STIMATE: variants seen among roughly 807,000 people sequenced by gnomAD.
STIMATE encodes the protein STIM activating enhancer.
Under a neutral mutation model 36.7 loss-of-function variants are expected in STIMATE, and 15 were observed. The ratio of observed to expected loss-of-function variants is 0.41; its 90% confidence interval spans 0.27 to 0.63. STIMATE has a LOEUF of 0.63. Ranked by LOEUF, STIMATE falls within the 20% of genes least tolerant of loss-of-function variation. The probability of loss-of-function intolerance (pLI) is 0.32; values close to 1 mark genes in which losing one functional copy is unlikely to be tolerated. For synonymous variants in STIMATE, 163 were observed against 162.3 expected, an observed-to-expected ratio of 1.00 and a Z score of -0.03; for missense variants, 305 against 397.3, an observed-to-expected ratio of 0.77 and a Z score of 1.98.
At chr3:52,862,941 T>G (rs910743396) in intron 1 of STIMATE, among the ~76,000 whole-genome samples, 5 of 152,158 alleles carry the variant, frequency 3.3e-5, no homozygotes, top group African/African-American at 1.2e-4. Context: ...AATGGAGTTA[T>G]GCAGCCACAT....
intron 4 of STIMATE, among the ~76,000 whole-genome samples, chr3:52,845,635 C>A (rs1700881433): frequency 6.6e-6 from 1 of 152,160 alleles, no homozygotes; most frequent in Admixed American, 6.5e-5. Flanking sequence ...CATCTGGGAC[C>A]CCTTCAGTCA....
chr3:52,865,269 T>C (rs1188829497), intron 1 of STIMATE, among the ~76,000 whole-genome samples: 1 of 152,052 alleles, frequency 6.6e-6, no homozygotes, highest in African/African-American at 2.4e-5. Flanking sequence ...CTCTAGAGAG[T>C]TCCAAACTTT....
At chr3:52,868,369 CA>C (rs1453147529) in intron 1 of STIMATE, among the ~76,000 whole-genome samples, 3 of 152,220 alleles carry the variant, frequency 2.0e-5, no homozygotes, top group African/African-American at 7.2e-5. Context: ...CAGGTCAGGC[CA>C]CTTTTTAAGG....
At chr3:52,870,389 A>C (rs1701381685) in intron 1 of STIMATE, among the ~76,000 whole-genome samples, 1 of 152,126 alleles carries the variant, frequency 6.6e-6, no homozygotes, top group African/African-American at 2.4e-5. Context: ...TTGTGGTTCC[A>C]AATCTGGCCT....
At chr3:52,852,780 G>A in intron 2 of STIMATE, 82 bp from the exon 3 acceptor site, 1 of 1,547,166 alleles carries the variant, frequency 6.5e-7, no homozygotes, top group Non-Finnish European at 8.8e-7. Flanking sequence ...GACTGAAACA[G>A]GAAGAAAGCC....
chr3:52,845,080 C>T, intron 4 of STIMATE, 139 bp from the exon 5 acceptor site: 1 of 689,998 alleles, frequency 1.4e-6, no homozygotes, highest in Non-Finnish European at 2.3e-6. Context: ...CCCCAAAAGT[C>T]CAAAGGATTA....
intron 1 of STIMATE, 62 bp downstream of exon 1, chr3:52,897,228 CA>C (rs1481387617): frequency 5.9e-6 from 9 of 1,513,320 alleles, no homozygotes; most frequent in African/African-American, 2.9e-5. Flanking sequence ...GAGGGGCCCC[CA>C]GGGGGGCCGG....
intron 1 of STIMATE, among the ~76,000 whole-genome samples, chr3:52,874,481 C>T (rs1180485074): frequency 6.6e-6 from 1 of 152,184 alleles, no homozygotes; most frequent in Non-Finnish European, 1.5e-5. Flanking sequence ...GATGGACTTA[C>T]AGTGAACTGA....
At chr3:52,886,987 G>A (rs1701695551) in intron 1 of STIMATE, among the ~76,000 whole-genome samples, 1 of 152,140 alleles carries the variant, frequency 6.6e-6, no homozygotes, top group Non-Finnish European at 1.5e-5. Flanking sequence ...GTCAAGGCTA[G>A]GAAGGACAAA....
chr3:52,860,108 C>A (rs1263106977), intron 1 of STIMATE, among the ~76,000 whole-genome samples: 4 of 113,714 alleles, frequency 3.5e-5, no homozygotes, highest in African/African-American at 1.2e-4. Context: ...TTCTCCCAGT[C>A]AAATTTGGTA....
chr3:52,877,088 C>A (rs1575344361), intron 1 of STIMATE, among the ~76,000 whole-genome samples: 1 of 152,238 alleles, frequency 6.6e-6, no homozygotes, highest in African/African-American at 2.4e-5. Flanking sequence ...ACAGGCCACA[C>A]TGGCTGAGTC....
intron 1 of STIMATE, among the ~76,000 whole-genome samples, chr3:52,887,183 T>C (rs1701699149): frequency 6.6e-6 from 1 of 152,256 alleles, no homozygotes; most frequent in South Asian, 2.1e-4. Context: ...TTGATCATTA[T>C]ACTGTGGTTA....
chr3:52,868,933 G>C (rs542786782), intron 1 of STIMATE, among the ~76,000 whole-genome samples: 3 of 152,062 alleles, frequency 2.0e-5, no homozygotes, highest in African/African-American at 7.2e-5. Flanking sequence ...CCTCAGGAAC[G>C]TTATATCATT....
At chr3:52,857,691 A>G (rs7620690) in intron 1 of STIMATE, among the ~76,000 whole-genome samples, 78,268 of 150,892 alleles carry the variant, frequency 0.52, 21,533 homozygotes, top group East Asian at 0.62. Flanking sequence ...AATGTATTAC[A>G]TTATAAATGG....
At chr3:52,840,695 CT>C in intron 7 of STIMATE, 85 bp from the exon 8 acceptor site, 1 of 1,095,996 alleles carries the variant, frequency 9.1e-7, no homozygotes, top group Non-Finnish European at 1.3e-6. Flanking sequence ...CCCTTCAAGT[CT>C]CATGTTTTTT....
intron 1 of STIMATE, among the ~76,000 whole-genome samples, chr3:52,869,114 C>T (rs192344438): frequency 8.8e-4 from 134 of 152,316 alleles, no homozygotes; most frequent in African/African-American, 3.2e-3. Context: ...TGACTATAAT[C>T]ATCCAGTGAG....
chr3:52,891,057 G>A (rs1212058976), intron 1 of STIMATE, among the ~76,000 whole-genome samples: 1 of 147,472 alleles, frequency 6.8e-6, no homozygotes, highest in Admixed American at 6.9e-5. Flanking sequence ...GTTATCAACA[G>A]TCAAAAAACA....
At chr3:52,879,810 C>T (rs1367756391) in intron 1 of STIMATE, among the ~76,000 whole-genome samples, 1 of 152,216 alleles carries the variant, frequency 6.6e-6, no homozygotes, top group African/African-American at 2.4e-5. Flanking sequence ...CACCCCAAGG[C>T]ATGAGGCTGG....
intron 1 of STIMATE, among the ~76,000 whole-genome samples, chr3:52,859,175 ATAAAT>A (rs1701161766): frequency 9.7e-6 from 1 of 103,510 alleles, no homozygotes; most frequent in African/African-American, 3.6e-5. Context: ...AAAAAATAAA[ATAAAT>A]AAAATAAAAT....
Sources: allele counts gnomAD v4.1 joint callset (sites outside exome capture counted in the v4.1 genomes callset), GRCh38; gene constraint gnomAD v4.1.1; transcripts MANE v1.5; gene names NCBI Gene and HGNC (gene_info 2026-07-23, HGNC 2026-07-21).